HCLS1: variants seen among roughly 807,000 people sequenced by gnomAD.
HCLS1 encodes the protein hematopoietic lineage cell-specific protein.
In HCLS1, 44 loss-of-function variants were observed where a neutral mutation model predicts 68.6. The observed-to-expected ratio is 0.64, with a 90% CI of 0.50 to 0.82. The LOEUF (loss-of-function observed/expected upper bound fraction) is 0.82, where lower values mean the gene tolerates loss of function less well. HCLS1 is among the 40% of genes least tolerant of loss of function. The pLI, the probability that HCLS1 is intolerant of heterozygous loss-of-function variation, is 0.00. For missense variants in HCLS1, 602 were observed against 612.1 expected (o/e 0.98, Z 0.17); for synonymous variants, 217 against 225.8 (o/e 0.96, Z 0.35).
chr3:121,636,531 TG>T, intron 7 of HCLS1, 42 bp from the exon 8 acceptor site: 1 of 1,432,138 alleles, frequency 7.0e-7, no homozygotes, highest in Non-Finnish European at 9.8e-7. Flanking sequence ...ATCAAAATGC[TG>T]GGAATGGGTG....
chr3:121,637,383 A>T (rs2049160285), intron 6 of HCLS1, 127 bp from the exon 7 acceptor site: 1 of 645,002 alleles, frequency 1.6e-6, no homozygotes, highest in African/African-American at 1.8e-5. Context: ...CAGGGCTTGA[A>T]TACAGGGGAA....
At chr3:121,650,244 C>T (rs542709272) in intron 3 of HCLS1, among the ~76,000 whole-genome samples, 41 of 152,216 alleles carry the variant, frequency 2.7e-4, no homozygotes, top group African/African-American at 8.9e-4. Context: ...GTCAGTTCTC[C>T]CTAAAATGAT....
At chr3:121,637,115 TG>T (rs1273124191) in intron 7 of HCLS1, 30 bp downstream of exon 7, 2 of 1,439,074 alleles carry the variant, frequency 1.4e-6, no homozygotes, top group Admixed American at 1.7e-5. Flanking sequence ...CTGTGCTATC[TG>T]TGACCTTCCC....
At chr3:121,640,837 GAGGGCAGGGC>G (rs557668199) in intron 6 of HCLS1, among the ~76,000 whole-genome samples, 10 of 90,216 alleles carry the variant, frequency 1.1e-4, no homozygotes, top group South Asian at 1.0e-3. Context: ...GAGGGGACGG[GAGGGCAGGGC>G]AGGGCAGGGC....
Position 121,644,845 on chromosome 3 carries a change from G to A in HCLS1, c.372C>T (p.Tyr124=), listed in dbSNP as rs767274055. The A allele has an allele frequency of 2.7e-5, 44 of 1,613,696 alleles. No individual in the cohort carries two copies. Among genetic ancestry groups the A allele is most frequent in the East Asian group, 4.5e-5 (2 of 44,892 alleles). Residue 124 remains tyrosine (Y), a synonymous_variant, in exon 5 of 14, where the codon TAC becomes TAT. Transcript: ENST00000314583. ...TGTCTGCCCTGTCCCTCTCAACTCC[G>A]TACTTGCCCCCAAAGCCTTTGGCAG... ...TDAAKGFGGK[Y]GVERDRADKS...
chr3:121,632,446 T>TCTCAGGGTCGGG lies in HCLS1; in HGVS notation c.1125_1126insCCCGACCCTGAG (p.Glu375_Asn376insProAspProGlu). 7.5e-7 allele frequency: 1 copy of TCTCAGGGTCGGG among 1,335,864 alleles called. No homozygotes were observed. Among genetic ancestry groups the TCTCAGGGTCGGG allele is most frequent in the Non-Finnish European group, 1.1e-6 (1 of 951,130 alleles). The allele number at this position is 1,335,864 out of a possible 1,614,324, so 82.8% of individuals were successfully genotyped here. On this transcript the variant is annotated inframe_insertion, in exon 12 of 14. Transcript: ENST00000314583. ...ATCTCCTCAACGTCCTCATAGTCAT[T>TCTCAGGGTCGGG]CTCAGGCTCGGGCTCAGGCTCGGGC...
intron 3 of HCLS1, among the ~76,000 whole-genome samples, chr3:121,648,692 C>T: frequency 6.6e-6 from 1 of 152,180 alleles, no homozygotes; most frequent in East Asian, 1.9e-4. Context: ...ATCTGGTGGC[C>T]TTTAGTGGAT....
Position 121,647,415 on chromosome 3 carries a change from C to T in HCLS1, c.192G>A (p.Glu64=). 2 of 1,614,092 alleles carry T rather than the reference C, an allele frequency of 1.2e-6. No individual in the cohort carries two copies. The highest frequency in any genetic ancestry group is 1.3e-5 in the African/African-American group (1 of 75,034). ...TCTCTTTCTTCCTGAGAACATCATGCTCCTCTGATACTTTGTTCCTCAGCT... is the reference window on the plus strand; with the variant it reads ...TCTCTTTCTTCCTGAGAACATCATGTTCCTCTGATACTTTGTTCCTCAGCT... ...IHQLRNKVSE[E]HDVLRKKEME... The change falls in exon 4 of 14, where the codon GAG becomes GAA. Residue 64 remains glutamate (E), a synonymous_variant. Coordinates refer to ENST00000314583, the MANE Select transcript of HCLS1 (RefSeq NM_005335.6).
At chr3:121,656,626 C>G (rs1384770418) in intron 3 of HCLS1, among the ~76,000 whole-genome samples, 1 of 152,112 alleles carries the variant, frequency 6.6e-6, no homozygotes, top group Admixed American at 6.5e-5. Context: ...CTTAAAGATC[C>G]CTGAACATCG....
chr3:121,636,575 T>C, intron 7 of HCLS1, 86 bp from the exon 8 acceptor site: 1 of 1,008,654 alleles, frequency 9.9e-7, no homozygotes, highest in African/African-American at 1.6e-5. Flanking sequence ...AAAACAGGAA[T>C]GTGGAAAACA....
intron 10 of HCLS1, 50 bp from the exon 11 acceptor site, chr3:121,633,221 CT>C (rs58527943): frequency 0.1 from 88,387 of 886,082 alleles, no homozygotes; most frequent in East Asian, 0.14. Context: ...ATCTTCACTC[CT>C]TTTTTTTTTT....
chr3:121,656,566 G>A (rs1254736034), intron 3 of HCLS1, among the ~76,000 whole-genome samples: 2 of 142,604 alleles, frequency 1.4e-5, no homozygotes, highest in Non-Finnish European at 3.1e-5. Flanking sequence ...TGGTATCGGA[G>A]GGTTTTGTTT....
At chr3:121,658,908 C>T (rs148039922) in intron 1 of HCLS1, among the ~76,000 whole-genome samples, 2 of 152,300 alleles carry the variant, frequency 1.3e-5, no homozygotes, top group Non-Finnish European at 2.9e-5. Flanking sequence ...TGAGTCTGGT[C>T]ACCTCACAGC....
chr3:121,637,248 G>C lies in HCLS1; in HGVS notation c.463C>G (p.Arg155Gly). Residue 155 changes from arginine to glycine, a missense_variant, in exon 7 of 14, where the codon CGT (arginine) becomes GGT (glycine). Arg to Gly is a moderately radical substitution (Grantham distance 125, BLOSUM62 -2). Transcript: ENST00000314583. Reference protein sequence around the residue: ...EKHTSQKDYSRGFGGRYGVEK... With the variant: ...EKHTSQKDYSGGFGGRYGVEK... ...ACCCCGTACCGGCCACCAAAGCCACGAGAGTAATCTGTGGTCGAAGGAGCA... is the reference window on the plus strand; with the variant it reads ...ACCCCGTACCGGCCACCAAAGCCACCAGAGTAATCTGTGGTCGAAGGAGCA... 1.2e-6 allele frequency: 2 copies of C among 1,612,076 alleles called. No homozygotes were observed. Among genetic ancestry groups the C allele is most frequent in the Non-Finnish European group, 1.7e-6 (2 of 1,178,204 alleles).
chr3:121,654,391 T>C lies in HCLS1; in HGVS notation c.158+2888A>G, dbSNP rs538917911. The C allele has an allele frequency of 2.0e-5, 3 of 152,352 alleles. No homozygotes were observed. In the East Asian group the frequency reaches 5.8e-4, roughly 29 times the overall value. The allele number at this position is 152,352 out of a possible 1,614,324, so 9.4% of individuals were successfully genotyped here. A position where few individuals can be genotyped will look rare whatever the true frequency, so the allele number is the denominator to read the frequency against. On this transcript the variant is annotated intron_variant, in intron 3 of 13. Coordinates refer to ENST00000314583, the MANE Select transcript of HCLS1 (RefSeq NM_005335.6). ...ACCATTTATTTTTCCAGAAACTTAA[T>C]TGTATTTTATTTTACAAAAGTATCA...
intron 3 of HCLS1, among the ~76,000 whole-genome samples, chr3:121,647,821 A>C (rs894526496): frequency 6.6e-6 from 1 of 152,176 alleles, no homozygotes; most frequent in African/African-American, 2.4e-5. Context: ...GATGTGTCTC[A>C]AAAAGCAGAA....
rs749211027 is a variant in HCLS1 at position 121,644,876 on chromosome 3, G to A, written c.341C>T (p.Thr114Met). The A allele has an allele frequency of 6.2e-6, 10 of 1,614,070 alleles. No homozygotes were observed. The highest frequency in any genetic ancestry group is 2.2e-5 in the East Asian group (1 of 44,882). ...VAEVEKHSSQ[T>M]DAAKGFGGKY... ...GCCCCCAAAGCCTTTGGCAGCATCCGTCTGAGAAGAGTGCTTCTCCACCTC... is the reference window on the plus strand; with the variant it reads ...GCCCCCAAAGCCTTTGGCAGCATCCATCTGAGAAGAGTGCTTCTCCACCTC... The change falls in exon 5 of 14, where the codon ACG (threonine) becomes ATG (methionine). Residue 114 changes from threonine to methionine, a missense_variant. Coordinates refer to ENST00000314583, the MANE Select transcript of HCLS1 (RefSeq NM_005335.6).
At chr3:121,654,124 A>C (rs1176095298) in intron 3 of HCLS1, 3 of 152,334 alleles carry the variant, frequency 2.0e-5, no homozygotes, top group Non-Finnish European at 4.4e-5. Context: ...CTTCTTAGGC[A>C]ACCTATGGTC....
intron 3 of HCLS1, among the ~76,000 whole-genome samples, chr3:121,651,159 G>C (rs989333100): frequency 4.6e-5 from 7 of 151,990 alleles, no homozygotes; most frequent in African/African-American, 1.7e-4. Context: ...AATCAATAAA[G>C]TGAAAAAGCA....
Sources: allele counts gnomAD v4.1 joint callset (sites outside exome capture counted in the v4.1 genomes callset), GRCh38; gene constraint gnomAD v4.1.1; transcripts MANE v1.5; gene names NCBI Gene and HGNC (gene_info 2026-07-23, HGNC 2026-07-21).